The following RAB44 variants were observed in gnomAD, a reference collection of about 807,000 sequenced individuals.
The protein encoded by RAB44 is ras-related protein Rab-44.
In RAB44, 67 loss-of-function variants were observed where a neutral mutation model predicts 93.3. That is an observed-to-expected ratio of 0.72 (90% CI 0.59 to 0.88). RAB44 has a LOEUF of 0.88. RAB44 is among the 40% of genes least tolerant of loss of function. The pLI is 0.00. For missense variants in RAB44, 1,064 were observed against 1,261.7 expected (o/e 0.84, Z 2.37); for synonymous variants, 427 against 520.3 (o/e 0.82, Z 2.44).
intron 2 of RAB44, among the ~76,000 whole-genome samples, chr6:36,712,017 A>T (rs983213780): frequency 1.3e-5 from 2 of 152,016 alleles, no homozygotes; most frequent in African/African-American, 4.8e-5. Flanking sequence ...AAGTAAACAC[A>T]GCAGGCTGGG....
At position 36,718,059 on chromosome 6, in the gene RAB44, C is replaced by T. The variant is rs1363030456; in HGVS notation, c.673C>T (p.Gln225Ter). 4.5e-5 allele frequency: 56 copies of T among 1,232,090 alleles called. No individual in the cohort carries two copies. Among genetic ancestry groups the T allele is most frequent in the Non-Finnish European group, 5.7e-5 (56 of 988,042 alleles). The allele number at this position is 1,232,090 out of a possible 1,614,324, so 76.3% of individuals were successfully genotyped here. ...RDSDHHREVQQLYEEMEQQIR... is the reference protein window; with the variant it reads ...RDSDHHREVQ ...CTCTGACCACCACCGCGAGGTCCAG[C>T]AGCTCTATGAGGAGATGGAGCAGCA... Residue 225 changes from glutamine (Q) to a stop codon, truncating the protein, a stop_gained, in exon 6 of 14, where the codon CAG becomes TAG. Transcript: ENST00000612677. LOFTEE classifies it high-confidence loss of function.
intron 2 of RAB44, among the ~76,000 whole-genome samples, chr6:36,706,468 T>C (rs1011625232): frequency 1.1e-4 from 17 of 152,188 alleles, no homozygotes; most frequent in Admixed American, 9.8e-4. Context: ...CTAAGGTCCC[T>C]CTTCTGCCAG....
chr6:36,726,024 C>T, intron 10 of RAB44, 81 bp downstream of exon 10: 4 of 1,137,448 alleles, frequency 3.5e-6, no homozygotes, highest in Non-Finnish European at 3.9e-6. Context: ...GCCCTAATAA[C>T]ACAGGCAGGA....
chr6:36,711,902 C>CA (rs745886701), intron 2 of RAB44, among the ~76,000 whole-genome samples: 2,820 of 93,994 alleles, frequency 0.03, 102 homozygotes, highest in African/African-American at 0.087. Context: ...GACTCCATCT[C>CA]AAAAAAAAAA....
At chr6:36,705,485 C>A (rs547166542) in intron 2 of RAB44, among the ~76,000 whole-genome samples, 4 of 145,548 alleles carry the variant, frequency 2.7e-5, no homozygotes, top group Non-Finnish European at 6.0e-5. Context: ...CAGGTTCAAG[C>A]GATTCTCCTG....
At chr6:36,700,485 G>C (rs551309967) in intron 1 of RAB44, among the ~76,000 whole-genome samples, 2 of 152,206 alleles carry the variant, frequency 1.3e-5, no homozygotes, top group Non-Finnish European at 2.9e-5. Flanking sequence ...CTGTCGCCCA[G>C]GCTGGAGTGC....
At chr6:36,710,973 A>G (rs1041314169) in intron 2 of RAB44, among the ~76,000 whole-genome samples, 1 of 152,176 alleles carries the variant, frequency 6.6e-6, no homozygotes, top group African/African-American at 2.4e-5. Context: ...ACATTACCTA[A>G]AGATATAGCT....
intron 2 of RAB44, among the ~76,000 whole-genome samples, chr6:36,707,798 A>G (rs60435400): frequency 0.087 from 13,224 of 152,296 alleles, 1,589 homozygotes; most frequent in African/African-American, 0.27. Context: ...AAGGAGAAAC[A>G]TGTCCAGTAA....
At position 36,722,442 on chromosome 6, in the gene RAB44, G is replaced by A. The variant is rs1424072692; in HGVS notation, c.2308G>A (p.Glu770Lys). The A allele has an allele frequency of 7.0e-7, 1 of 1,437,556 alleles. No homozygotes were observed. The highest frequency in any genetic ancestry group is 2.8e-5 in the Admixed American group (1 of 36,172). 89.1% of individuals were successfully genotyped at this position (1,437,556 alleles called of 1,614,324 possible). Residue 770 changes from glutamate to lysine, a missense_variant, in exon 9 of 14, where the codon GAG becomes AAG. Physicochemically the swap from Glu to Lys is moderately conservative, Grantham distance 56 (BLOSUM62 1). Coordinates refer to ENST00000612677, the MANE Select transcript of RAB44 (RefSeq NM_001257357.2). ...EPTQTPPTMA[E>K]QEAQPRPSLT... ...CACGCAAACCCCTCCCACCATGGCT[G>A]AGCAGGAAGCCCAACCCAGGCCATC...
intron 1 of RAB44, among the ~76,000 whole-genome samples, chr6:36,702,343 T>G (rs1285498827): frequency 7.3e-6 from 1 of 136,206 alleles, no homozygotes. Context: ...AGAGAGAATG[T>G]ACTTCTGTTT....
At position 36,733,015 on chromosome 6, in the gene RAB44, C is replaced by T. The variant is rs1763394205; in HGVS notation, c.*922C>T. 3.3e-5 allele frequency: 5 copies of T among 152,196 alleles called. No homozygotes were observed. 9.4% of individuals were successfully genotyped at this position (152,196 alleles called of 1,614,324 possible). On this transcript the variant is annotated 3_prime_UTR_variant, in exon 14 of 14. Coordinates refer to ENST00000612677, the MANE Select transcript of RAB44 (RefSeq NM_001257357.2). ...GCTTTTGTGGAAGTTTCCAGAATTC[C>T]ATAATATTCACCTCCTGAATGGTGG...
rs1331218599 is a variant in RAB44 at position 36,717,166 on chromosome 6, A to G, written c.495-107A>G. On this transcript the variant is annotated intron_variant, in intron 4 of 13. Transcript: ENST00000612677. This position sits in a 1 kb window ranked among gnomAD's most constrained non-coding sequence, Gnocchi z 4.1. ...GTCAATAGATTTGGCCCAGGTGCCAAAGTCTCTTGGAGCGCTGCAGTGAAA... is the reference window on the plus strand; with the variant it reads ...GTCAATAGATTTGGCCCAGGTGCCAGAGTCTCTTGGAGCGCTGCAGTGAAA... The G allele has an allele frequency of 2.7e-6, 3 of 1,126,648 alleles. No homozygotes were observed. The highest frequency in any genetic ancestry group is 3.4e-6 in the Non-Finnish European group (3 of 892,800). The allele number at this position is 1,126,648 out of a possible 1,614,324, so 69.8% of individuals were successfully genotyped here. A position where few individuals can be genotyped will look rare whatever the true frequency, so the allele number is the denominator to read the frequency against.
rs1447135833 is a variant in RAB44 at position 36,697,899 on chromosome 6, C to T, written c.-29C>T. ...CCAGAGCCCAGGGCTGTGTGTTCCA[C>T]TGGGAGCCTTTGAGAGGTAGGAGCC... On this transcript the variant is annotated 5_prime_UTR_variant, in exon 1 of 14. Transcript: ENST00000612677. 3 of 152,380 alleles carry T rather than the reference C, an allele frequency of 2.0e-5. No individual in the cohort carries two copies. Among genetic ancestry groups the T allele is most frequent in the African/African-American group, 4.8e-5 (2 of 41,456 alleles). The allele number at this position is 152,380 out of a possible 1,614,324, so 9.4% of individuals were successfully genotyped here.
chr6:36,726,788 A>C (rs1056869751), intron 10 of RAB44, among the ~76,000 whole-genome samples: 6 of 150,138 alleles, frequency 4.0e-5, no homozygotes, highest in Admixed American at 1.3e-4. Flanking sequence ...GACTCTCTTT[A>C]TGTACTAATA....
intron 2 of RAB44, among the ~76,000 whole-genome samples, chr6:36,709,117 T>G (rs1038558867): frequency 1.9e-4 from 29 of 151,896 alleles, no homozygotes; most frequent in African/African-American, 6.8e-4. Context: ...GCTATTTTTT[T>G]TTATTTTTAT....
chr6:36,719,728 G>A (rs1404842251), intron 7 of RAB44, among the ~76,000 whole-genome samples: 1 of 152,242 alleles, frequency 6.6e-6, no homozygotes, highest in African/African-American at 2.4e-5. Context: ...AAGACCTGGA[G>A]AAGTGTGATA....
chr6:36,722,913 T>C (rs1362001324), intron 9 of RAB44, among the ~76,000 whole-genome samples, 180 bp downstream of exon 9: 1 of 152,270 alleles, frequency 6.6e-6, no homozygotes, highest in Admixed American at 6.5e-5. Flanking sequence ...TAATCGTCTC[T>C]AATTACAGGT....
At chr6:36,703,247 G>T (rs757139961) in intron 1 of RAB44, among the ~76,000 whole-genome samples, 6 of 152,134 alleles carry the variant, frequency 3.9e-5, no homozygotes, top group Non-Finnish European at 7.3e-5. Flanking sequence ...TCATGAGGAC[G>T]GTGCCCCCAT....
intron 9 of RAB44, 159 bp from the exon 10 acceptor site, chr6:36,725,703 C>T (rs1279818916): frequency 1.6e-5 from 10 of 615,476 alleles, no homozygotes; most frequent in Non-Finnish European, 9.2e-6. Context: ...GAAGTGGGTC[C>T]TCGAGTATGG....
Sources: gnomAD v4.1 joint callset for allele counts (sites outside exome capture counted in the v4.1 genomes callset) on GRCh38, gnomAD v4.1.1 for gene constraint, Gnocchi (gnomAD v3.1) non-coding constraint, MANE v1.5 for transcripts, NCBI Gene and HGNC (gene_info 2026-07-23, HGNC 2026-07-21) for gene names.